The following COL16A1 variants were observed in gnomAD, a reference collection of about 807,000 sequenced individuals.
COL16A1 encodes the protein collagen type XVI alpha 1 chain.
A neutral mutation model predicts 266.3 loss-of-function variants in COL16A1; 189 were observed. That is an observed-to-expected ratio of 0.71 (90% CI 0.63 to 0.80). The LOEUF (loss-of-function observed/expected upper bound fraction) is 0.80. Ranked by LOEUF, COL16A1 falls within the 30% of genes least tolerant of loss-of-function variation. COL16A1 has a pLI of 0.00. For missense variants in COL16A1, 1,928 were observed against 2,122.4 expected, an observed-to-expected ratio of 0.91 and a Z score of 1.80; for synonymous variants, 740 against 782.3, an observed-to-expected ratio of 0.95 and a Z score of 0.90.
chr1:31,697,150 G>C lies in COL16A1; in HGVS notation c.739-62C>G. 1.2e-6 allele frequency: 2 copies of C among 1,612,798 alleles called. No individual in the cohort carries two copies. The highest frequency in any genetic ancestry group is 8.5e-7 in the Non-Finnish European group (1 of 1,179,128). On this transcript the variant is annotated intron_variant, in intron 7 of 70. Transcript: ENST00000373672. The surrounding 1 kb of genome is among the most constrained non-coding windows in gnomAD (Gnocchi z 4.2). ...GAGCAGACTCCTCCTAAGACCTCCA[G>C]GCATCACCTTCCAGACCCTCATCTC...
chr1:31,653,708 C>A, intron 69 of COL16A1, 32 bp from the exon 70 acceptor site: 1 of 1,602,976 alleles, frequency 6.2e-7, no homozygotes, highest in South Asian at 1.1e-5. Context: ...AGTCCTATCC[C>A]TGAGCAGAAA....
intron 55 of COL16A1, 157 bp downstream of exon 55, chr1:31,665,426 C>T (rs1642043402): frequency 6.9e-7 from 1 of 1,455,058 alleles, no homozygotes; most frequent in African/African-American, 1.4e-5. Flanking sequence ...CTCTCCAGGT[C>T]CTGGTTCCTG....
rs1161750201 is a variant in COL16A1 at position 31,657,176 on chromosome 1, C to T, written c.4021-108G>A. 6.5e-6 allele frequency: 9 copies of T among 1,379,828 alleles called. No homozygotes were observed. The highest frequency in any genetic ancestry group is 7.2e-6 in the Non-Finnish European group (7 of 972,432). The allele number at this position is 1,379,828 out of a possible 1,614,324, so 85.5% of individuals were successfully genotyped here. A position where few individuals can be genotyped will look rare whatever the true frequency, so the allele number is the denominator to read the frequency against. On this transcript the variant is annotated intron_variant, in intron 64 of 70. Coordinates refer to ENST00000373672, the MANE Select transcript of COL16A1 (RefSeq NM_001856.4). The surrounding 1 kb of genome is among the most constrained non-coding windows in gnomAD (Gnocchi z 6.4). Reference sequence around the variant, plus strand: ...CCAGCCCCCTGTTCCACCCAGAGGCCACGATCCTCCAGCCCTCACCCTCTG... The same window carrying T: ...CCAGCCCCCTGTTCCACCCAGAGGCTACGATCCTCCAGCCCTCACCCTCTG...
At chr1:31,672,939 G>T in intron 44 of COL16A1, 99 bp from the exon 45 acceptor site, 1 of 1,121,912 alleles carries the variant, frequency 8.9e-7, no homozygotes, top group Non-Finnish European at 1.3e-6. Flanking sequence ...AGGGCTCCCT[G>T]CCCTGCCGTC....
At position 31,655,485 on chromosome 1, in the gene COL16A1, T is replaced by C; in HGVS notation, c.4119A>G (p.Ala1373=). The change falls in exon 67 of 71, where the codon GCA becomes GCG. Residue 1373 remains alanine (A), a synonymous_variant. Transcript: ENST00000373672. ...PPGPKGDPGA[A]GQKGQAGEKG... ...TCTCTCCTGCCTGGCCCTTCTGTCC[T>C]GCAGCTCCTGGATCACCCTACAAAG... 6.2e-7 allele frequency: 1 copy of C among 1,614,058 alleles called. No individual in the cohort carries two copies. The highest frequency in any genetic ancestry group is 8.5e-7 in the Non-Finnish European group (1 of 1,179,948).
At chr1:31,682,072 C>T (rs10914465) in intron 37 of COL16A1, among the ~76,000 whole-genome samples, 73,409 of 152,118 alleles carry the variant, frequency 0.48, 19,216 homozygotes, top group South Asian at 0.6. Context: ...TTGCCCACCG[C>T]CTGGCATGGA....
At chr1:31,653,047 T>C (rs1640767203) in intron 70 of COL16A1, among the ~76,000 whole-genome samples, 194 bp from the exon 71 acceptor site, 1 of 152,262 alleles carries the variant, frequency 6.6e-6, no homozygotes, top group Non-Finnish European at 1.5e-5. Flanking sequence ...ATTTAGAACT[T>C]CCATGTGCCA....
chr1:31,684,390 G>C, intron 31 of COL16A1, 133 bp downstream of exon 31: 1 of 1,491,820 alleles, frequency 6.7e-7, no homozygotes, highest in South Asian at 1.4e-5. Flanking sequence ...GAGAAGCCCC[G>C]AGGAGCCTCC....
chr1:31,682,063 T>C (rs1557659859), intron 37 of COL16A1, among the ~76,000 whole-genome samples: 1 of 152,230 alleles, frequency 6.6e-6, no homozygotes, highest in Non-Finnish European at 1.5e-5. Context: ...ATTACGCATT[T>C]GCCCACCGCC....
chr1:31,692,920 G>C (rs973109383), intron 13 of COL16A1, 112 bp from the exon 14 acceptor site: 1 of 1,141,264 alleles, frequency 8.8e-7, no homozygotes, highest in Admixed American at 2.0e-5. Flanking sequence ...CCCTAGAAAA[G>C]GGGGGCTTCT....
chr1:31,661,710 G>GAA lies in COL16A1; in HGVS notation c.3682-8_3682-7dup. On this transcript the variant is annotated splice_region_variant and splice_polypyrimidine_tract_variant and intron_variant, in intron 58 of 70. Coordinates refer to ENST00000373672, the MANE Select transcript of COL16A1 (RefSeq NM_001856.4). ...CCAGCAGGACCAGGGTCCCCCTAGGGAAAGAGACGAGGAGGATTGAGACAA... is the reference window on the plus strand; with the variant it reads ...CCAGCAGGACCAGGGTCCCCCTAGGGAAAAAGAGACGAGGAGGATTGAGACAA... The GAA allele has an allele frequency of 6.3e-7, 1 of 1,595,556 alleles. No individual in the cohort carries two copies. The highest frequency in any genetic ancestry group is 8.5e-7 in the Non-Finnish European group (1 of 1,175,272).
intron 42 of COL16A1, among the ~76,000 whole-genome samples, chr1:31,677,172 G>A (rs1272175930): frequency 2.6e-5 from 4 of 152,156 alleles, no homozygotes; most frequent in Admixed American, 6.5e-5. Flanking sequence ...CGAAACCTCC[G>A]CTTCCTGGGT....
intron 4 of COL16A1, 145 bp downstream of exon 4, chr1:31,699,668 G>A: frequency 1.5e-6 from 1 of 647,024 alleles, no homozygotes; most frequent in African/African-American, 1.8e-5. Context: ...GCAAGCCCAG[G>A]GGTGGAGACC....
In COL16A1 at chr1:31,666,042, G is replaced by A. The variant is rs1642113474; in HGVS notation, c.3397C>T (p.Pro1133Ser). Residue 1133 changes from proline (P) to serine (S), a missense_variant, in exon 53 of 71, where the codon CCA (proline) becomes TCA (serine). Pro to Ser is a moderately conservative substitution (Grantham distance 74). Transcript: ENST00000373672. ...GSEGLPGPPGPAGPRGERGPQ... is the reference protein window; with the variant it reads ...GSEGLPGPPGSAGPRGERGPQ... ...CCATGCCCTCCTTCACTCACCGCTG[G>A]GCCTGGGGGGCCTGGGAGGCCTTCA... 6.2e-7 allele frequency: 1 copy of A among 1,613,410 alleles called. No homozygotes were observed. The highest frequency in any genetic ancestry group is 8.5e-7 in the Non-Finnish European group (1 of 1,179,794).
At position 31,661,268 on chromosome 1, in the gene COL16A1, T is replaced by C. The variant is rs931433961; in HGVS notation, c.3771+146A>G. The C allele has an allele frequency of 9.3e-6, 14 of 1,502,038 alleles. No individual in the cohort carries two copies. In the South Asian group the frequency reaches 1.7e-4, roughly 19 times the overall value. The allele number at this position is 1,502,038 out of a possible 1,614,324, so 93.0% of individuals were successfully genotyped here. A position where few individuals can be genotyped will look rare whatever the true frequency, so the allele number is the denominator to read the frequency against. On this transcript the variant is annotated intron_variant, in intron 60 of 70. Transcript: ENST00000373672. ...CTCCAGCTGGTAGACAGAGAAGCCC[T>C]GACCCAGTCTGCCAGGCACCAGTGG... is the stretch of plus-strand genomic sequence containing the variant.
intron 21 of COL16A1, 22 bp from the exon 22 acceptor site, chr1:31,690,415 G>C (rs1023424206): frequency 1.4e-5 from 23 of 1,614,048 alleles, no homozygotes; most frequent in Non-Finnish European, 1.9e-5. Flanking sequence ...GAGGCAATGG[G>C]CATCAGTGCC....
intron 66 of COL16A1, 71 bp from the exon 67 acceptor site, chr1:31,655,573 A>C (rs1570330485): frequency 1.3e-6 from 2 of 1,573,128 alleles, no homozygotes; most frequent in Admixed American, 1.7e-5. Flanking sequence ...TTTTCTCTCC[A>C]CCCTCCCACC....
rs1334038984 is a variant in COL16A1 at position 31,690,356 on chromosome 1, C to G, written c.1509+11G>C. 6.2e-7 allele frequency: 1 copy of G among 1,613,758 alleles called. No homozygotes were observed. The highest frequency in any genetic ancestry group is 1.3e-5 in the African/African-American group (1 of 75,040). On this transcript the variant is annotated intron_variant, in intron 22 of 70. Transcript: ENST00000373672. The stretch of plus-strand genomic sequence containing the variant: ...CCCACCCCGATCTGGGCAGCCAGGC[C>G]TAGGACTCACCTTCTCTCCCTTCAC...
Position 31,658,782 on chromosome 1 carries a change from G to A in COL16A1, c.3930+132C>T, listed in dbSNP as rs1309507649. ...TGGAAGGCGAGATCTTTGGAGGCAG[G>A]AGAGGCTGACACCAGGGAAGGAGGG... is the stretch of plus-strand genomic sequence containing the variant. On this transcript the variant is annotated intron_variant, in intron 63 of 70. Transcript: ENST00000373672. 2.4e-5 allele frequency: 28 copies of A among 1,190,704 alleles called. No individual in the cohort carries two copies. The South Asian group carries it at 3.7e-4, about 16-fold the overall frequency. 73.8% of individuals were successfully genotyped at this position (1,190,704 alleles called of 1,614,324 possible).
Sources: allele counts gnomAD v4.1 joint callset (sites outside exome capture counted in the v4.1 genomes callset), GRCh38; gene constraint gnomAD v4.1.1; non-coding constraint Gnocchi (gnomAD v3.1); transcripts MANE v1.5; gene names NCBI Gene and HGNC (gene_info 2026-07-23, HGNC 2026-07-21).